Variants in TP63 observed in about 807,000 individuals in gnomAD.
TP63 encodes tumor protein p63, also known as tumor protein 63.
Under a neutral mutation model 82.8 loss-of-function variants are expected in TP63, and 17 were observed. The ratio of observed to expected loss-of-function variants is 0.21; its 90% CI spans 0.14 to 0.31. The LOEUF is 0.31. TP63 is among the 10% of genes least tolerant of loss of function. TP63 has a pLI of 1.00. For synonymous variants in TP63, 330 were observed against 321.7 expected, an observed-to-expected ratio of 1.03 and a Z score of -0.28; for missense variants, 648 against 895.3, an observed-to-expected ratio of 0.72 and a Z score of 3.52.
rs140572414 is a variant in TP63, at chr3:189,665,276, A to G, written c.62+33699A>G. Among the ~76,000 whole-genome samples, 117 of 152,250 alleles carry G rather than the reference A, an allele frequency of 7.7e-4. 1 individual carries two copies. Among genetic ancestry groups the G allele is most frequent in the Non-Finnish European group, 2.4e-4 (16 of 67,998 alleles). ...CTTATGCTACGGTTCAGGGATTTTTATCTCAGATATCCAGTTGTTAAACAT... is the reference window on the plus strand; with the variant it reads ...CTTATGCTACGGTTCAGGGATTTTTGTCTCAGATATCCAGTTGTTAAACAT... On this transcript the variant is annotated intron_variant, in intron 1 of 13. Coordinates refer to ENST00000264731, the MANE Select transcript of TP63 (RefSeq NM_003722.5).
chr3:189,628,192 G>A (rs923798377), upstream of TP63, among the ~76,000 whole-genome samples: 2 of 152,084 alleles, frequency 1.3e-5, no homozygotes, highest in Non-Finnish European at 2.9e-5. Flanking sequence ...AGTGGGGAAG[G>A]TTTCTTTTAT....
At chr3:189,877,096 G>A (rs1433036132) in intron 10 of TP63, among the ~76,000 whole-genome samples, 1 of 151,908 alleles carries the variant, frequency 6.6e-6, no homozygotes, top group Non-Finnish European at 1.5e-5. Flanking sequence ...AAATTTCTTC[G>A]CGTTTACCTT....
intron 3 of TP63, among the ~76,000 whole-genome samples, chr3:189,769,945 A>G (rs908918095): frequency 6.6e-6 from 1 of 152,252 alleles, no homozygotes; most frequent in Admixed American, 6.5e-5. Flanking sequence ...ATAATAAGTC[A>G]CAGACTGGTT....
At chr3:189,793,095 C>G (rs1390269041) in intron 3 of TP63, among the ~76,000 whole-genome samples, 1 of 152,044 alleles carries the variant, frequency 6.6e-6, no homozygotes, top group Non-Finnish European at 1.5e-5. Flanking sequence ...TCGTATTCCT[C>G]ACTCCATGCT....
chr3:189,759,441 C>G (rs73055278), intron 3 of TP63, among the ~76,000 whole-genome samples: 44,888 of 151,990 alleles, frequency 0.3, 6,751 homozygotes, highest in East Asian at 0.48. Flanking sequence ...TTATTGTGAG[C>G]CAAATATGAG....
At chr3:189,653,965 A>C (rs1350417703) in intron 1 of TP63, among the ~76,000 whole-genome samples, 1 of 152,164 alleles carries the variant, frequency 6.6e-6, no homozygotes. Flanking sequence ...GGGGAGAAAT[A>C]ATTGAATTTC....
the TP63 span, among the ~76,000 whole-genome samples, chr3:189,624,472 C>T: frequency 6.6e-6 from 1 of 152,090 alleles, no homozygotes; most frequent in East Asian, 1.9e-4. Flanking sequence ...CTCATAAAAT[C>T]ATAGACTCTT....
At position 189,864,381 on chromosome 3, in the gene TP63, G is replaced by A. The variant is rs1005174470; in HGVS notation, c.729G>A (p.Arg243=). ...KAEHVTEVVK[R]CPNHELSREF... Reference sequence around the variant, plus strand: ...AGCACGTCACGGAGGTGGTGAAGCGGTGCCCCAACCATGAGCTGAGCCGTG... The same window carrying A: ...AGCACGTCACGGAGGTGGTGAAGCGATGCCCCAACCATGAGCTGAGCCGTG... The change falls in exon 5 of 14, where the codon CGG becomes CGA. Residue 243 remains arginine (R), a synonymous_variant. Transcript: ENST00000264731. The A allele has an allele frequency of 8.7e-6, 14 of 1,613,990 alleles. No homozygotes were observed. Among genetic ancestry groups the A allele is most frequent in the Admixed American group, 1.7e-5 (1 of 60,012 alleles).
intron 4 of TP63, 29 bp downstream of exon 4, chr3:189,808,555 A>AC (rs1235161361): frequency 1.9e-6 from 3 of 1,610,776 alleles, no homozygotes; most frequent in East Asian, 2.2e-5. Context: ...CACATACCTG[A>AC]CCCCCCAAGT....
At chr3:189,855,100 T>G (rs1716119808) in intron 4 of TP63, among the ~76,000 whole-genome samples, 1 of 152,114 alleles carries the variant, frequency 6.6e-6, no homozygotes, top group African/African-American at 2.4e-5. Flanking sequence ...TAGGAAAAAC[T>G]GCATAAAATA....
In TP63 at chr3:189,765,433, C is replaced by CTT. The variant is rs576530590; in HGVS notation, c.324+26679_324+26680dup. ...GGCTTTGTAAATATCCTGTCCTCTG[C>CTT]TTTTTTTTTTTTTTTTTTTTTGAGA... On this transcript the variant is annotated intron_variant, in intron 3 of 13. Transcript: ENST00000264731. Among the ~76,000 whole-genome samples the CTT allele has an allele frequency of 1.0e-3, 30 of 30,090 alleles. 9 individuals carry two copies. Among genetic ancestry groups the CTT allele is most frequent in the East Asian group, 3.0e-3 (3 of 1,006 alleles). 19.7% of individuals were successfully genotyped at this position (30,090 alleles called of 152,430 possible).
intron 4 of TP63, among the ~76,000 whole-genome samples, chr3:189,861,475 A>G: frequency 6.6e-6 from 1 of 152,122 alleles, no homozygotes; most frequent in East Asian, 1.9e-4. Context: ...ATAAGGCCAT[A>G]ATACAGAGGG....
the TP63 span, among the ~76,000 whole-genome samples, chr3:189,605,772 GA>G: frequency 3.3e-5 from 5 of 150,288 alleles, no homozygotes; most frequent in African/African-American, 9.7e-5. Flanking sequence ...TTAATGGCTA[GA>G]AAAAAAAATA....
At chr3:189,826,848 A>G (rs1711519299) in intron 4 of TP63, among the ~76,000 whole-genome samples, 1 of 152,206 alleles carries the variant, frequency 6.6e-6, no homozygotes, top group Non-Finnish European at 1.5e-5. Flanking sequence ...GAGGTCTCAA[A>G]TGTTAGAGTT....
chr3:189,764,863 A>T (rs1260992338), intron 3 of TP63, among the ~76,000 whole-genome samples: 1 of 152,190 alleles, frequency 6.6e-6, no homozygotes, highest in Non-Finnish European at 1.5e-5. Context: ...AACTAGAAAT[A>T]AGACCCATGC....
chr3:189,792,531 G>A lies in TP63; in HGVS notation c.325-15741G>A, dbSNP rs547240213. Among the ~76,000 whole-genome samples the A allele has an allele frequency of 3.9e-5, 6 of 152,142 alleles. No homozygotes were observed. In the East Asian group the frequency reaches 5.8e-4, roughly 15 times the overall value. On this transcript the variant is annotated intron_variant, in intron 3 of 13. Transcript: ENST00000264731. ...AGATATTTACTAAAATTCCTCATCCGGGGTTTTAGATGATGAAGGAAAGAC... is the reference window on the plus strand; with the variant it reads ...AGATATTTACTAAAATTCCTCATCCAGGGTTTTAGATGATGAAGGAAAGAC...
chr3:189,847,129 G>A (rs898460634), intron 4 of TP63, among the ~76,000 whole-genome samples: 4 of 151,780 alleles, frequency 2.6e-5, no homozygotes, highest in African/African-American at 4.8e-5. Context: ...AGATTGAGGC[G>A]GGCGGATCAC....
At chr3:189,817,456 T>C (rs2108662367) in intron 4 of TP63, among the ~76,000 whole-genome samples, 1 of 152,280 alleles carries the variant, frequency 6.6e-6, no homozygotes, top group South Asian at 2.1e-4. Flanking sequence ...GTCTGTATGT[T>C]AAATGAGTAT....
chr3:189,753,133 G>A (rs1721944557), intron 3 of TP63, among the ~76,000 whole-genome samples: 1 of 152,096 alleles, frequency 6.6e-6, no homozygotes, highest in South Asian at 2.1e-4. Context: ...TGGGTGGAAT[G>A]TTCTATAAAT....
Sources: gnomAD v4.1 joint callset for allele counts (sites outside exome capture counted in the v4.1 genomes callset) on GRCh38, gnomAD v4.1.1 for gene constraint, MANE v1.5 for transcripts, NCBI Gene and HGNC (gene_info 2026-07-23, HGNC 2026-07-21) for gene names.